Variants in MACROD2 observed in about 807,000 individuals in gnomAD.
MACROD2 encodes the protein ADP-ribose glycohydrolase MACROD2.
A neutral mutation model predicts 70.4 loss-of-function variants in MACROD2; 36 were observed. The observed-to-expected ratio is 0.51, with a 90% CI of 0.39 to 0.68. MACROD2 has a LOEUF of 0.68. Ranked by LOEUF, MACROD2 falls within the 30% of genes least tolerant of loss-of-function variation. The probability of loss-of-function intolerance (pLI) is 0.00; values close to 1 mark genes in which losing one functional copy is unlikely to be tolerated. For synonymous variants in MACROD2, 172 were observed against 178.8 expected (o/e 0.96, Z 0.30); for missense variants, 496 against 538.4 (o/e 0.92, Z 0.78).
chr20:15,013,396 C>G (rs1380981273), intron 5 of MACROD2, among the ~76,000 whole-genome samples: 1 of 152,236 alleles, frequency 6.6e-6, no homozygotes, highest in Middle Eastern at 3.4e-3. Context: ...TGATAAGCAA[C>G]TCAGAACCAC....
intron 4 of MACROD2, among the ~76,000 whole-genome samples, chr20:14,672,410 T>C (rs2070806020): frequency 6.6e-6 from 1 of 152,312 alleles, no homozygotes; most frequent in African/African-American, 2.4e-5. Flanking sequence ...ACAGAGTCAC[T>C]TTTGCCTCAT....
intron 6 of MACROD2, among the ~76,000 whole-genome samples, chr20:15,253,713 A>G (rs2077174970): frequency 6.6e-6 from 1 of 152,268 alleles, no homozygotes; most frequent in South Asian, 2.1e-4. Flanking sequence ...CTCATTCTCT[A>G]CACTTCCTTT....
intron 4 of MACROD2, among the ~76,000 whole-genome samples, chr20:14,667,876 TG>T (rs895381507): frequency 1.3e-5 from 2 of 152,070 alleles, no homozygotes; most frequent in Non-Finnish European, 2.9e-5. Context: ...CTCTCAGAGC[TG>T]GGGGGTGGTG....
intron 5 of MACROD2, among the ~76,000 whole-genome samples, chr20:15,194,541 C>T (rs2076593064): frequency 1.3e-5 from 2 of 152,052 alleles, no homozygotes; most frequent in Admixed American, 1.3e-4. Flanking sequence ...TCTATCTTTA[C>T]CATGTTTTTT....
chr20:14,672,506 A>C (rs140182512), intron 4 of MACROD2, among the ~76,000 whole-genome samples: 4 of 152,310 alleles, frequency 2.6e-5, no homozygotes, highest in African/African-American at 9.6e-5. Flanking sequence ...GGAGCTGCAG[A>C]GTCATATGGC....
intron 5 of MACROD2, among the ~76,000 whole-genome samples, chr20:15,189,589 C>G (rs1313618252): frequency 6.6e-6 from 1 of 152,120 alleles, no homozygotes; most frequent in Non-Finnish European, 1.5e-5. Context: ...CTACTTTAAG[C>G]TAGTGTGTCC....
chr20:14,724,118 A>G (rs1476903024), intron 5 of MACROD2, among the ~76,000 whole-genome samples: 1 of 152,192 alleles, frequency 6.6e-6, no homozygotes, highest in Non-Finnish European at 1.5e-5. Context: ...ACATTCAAAT[A>G]TGCTGAGTGT....
chr20:14,016,626 A>G (rs1341906079), intron 2 of MACROD2, among the ~76,000 whole-genome samples: 1 of 151,960 alleles, frequency 6.6e-6, no homozygotes, highest in Non-Finnish European at 1.5e-5. Flanking sequence ...GTTTTCCAGT[A>G]TTTGCTGTTG....
chr20:14,833,688 C>T (rs2072996927), intron 5 of MACROD2, among the ~76,000 whole-genome samples: 1 of 152,006 alleles, frequency 6.6e-6, no homozygotes, highest in Non-Finnish European at 1.5e-5. Context: ...AAAACGGTCA[C>T]CTCATTAGTA....
rs147425351 is a variant in MACROD2, at chr20:15,946,964, G to A, written c.907+9420G>A. On this transcript the variant is annotated intron_variant, in intron 12 of 17. Transcript: ENST00000684519. ...AATCTGTGTCACAAATAAGTTTAAG[G>A]GAAGGTACTATGCCTGGATGTGCAC... 2.2e-4 allele frequency among the ~76,000 whole-genome samples: 34 copies of A among 152,260 alleles called. 1 individual carries two copies. The East Asian group carries it at 6.6e-3, about 29-fold the overall frequency.
chr20:14,681,888 C>T (rs975117344), intron 4 of MACROD2, among the ~76,000 whole-genome samples: 2 of 152,086 alleles, frequency 1.3e-5, no homozygotes, highest in Non-Finnish European at 2.9e-5. Flanking sequence ...TTTTGAATCA[C>T]GTCGTGAGTA....
At chr20:14,400,931 C>A (rs1423534976) in intron 3 of MACROD2, among the ~76,000 whole-genome samples, 1 of 152,008 alleles carries the variant, frequency 6.6e-6, no homozygotes, top group Non-Finnish European at 1.5e-5. Context: ...GGTAAATGTT[C>A]TTTGGTGTGG....
intron 3 of MACROD2, among the ~76,000 whole-genome samples, chr20:14,194,555 G>C (rs1261626910): frequency 4.6e-5 from 7 of 152,162 alleles, no homozygotes; most frequent in African/African-American, 1.7e-4. Context: ...AGCTCAAATT[G>C]TGGCTAACAG....
At chr20:15,074,888 G>A (rs752071075) in intron 5 of MACROD2, among the ~76,000 whole-genome samples, 3 of 152,112 alleles carry the variant, frequency 2.0e-5, no homozygotes, top group African/African-American at 4.8e-5. Flanking sequence ...CACTGCAAGC[G>A]ATACACACAT....
At chr20:14,771,286 T>G (rs1397644484) in intron 5 of MACROD2, among the ~76,000 whole-genome samples, 1 of 152,008 alleles carries the variant, frequency 6.6e-6, no homozygotes, top group East Asian at 1.9e-4. Context: ...TTTTTTAACC[T>G]CCATAATTAC....
chr20:15,021,988 A>G (rs2075190591), intron 5 of MACROD2, among the ~76,000 whole-genome samples: 2 of 152,122 alleles, frequency 1.3e-5, no homozygotes, highest in Non-Finnish European at 2.9e-5. Context: ...CTGTAAGCCA[A>G]AAACTGCTCA....
intron 3 of MACROD2, among the ~76,000 whole-genome samples, chr20:14,394,679 G>A (rs776246587): frequency 1.6e-4 from 24 of 152,084 alleles, no homozygotes; most frequent in Non-Finnish European, 2.6e-4. Flanking sequence ...CTAATCTCAG[G>A]GGTAAAGCTT....
At chr20:14,065,842 A>G (rs958602564) in intron 2 of MACROD2, among the ~76,000 whole-genome samples, 1 of 152,320 alleles carries the variant, frequency 6.6e-6, no homozygotes, top group Middle Eastern at 3.4e-3. Context: ...GCATAGCTAT[A>G]ACACAAACAG....
At chr20:14,527,977 A>G (rs1047605100) in intron 4 of MACROD2, among the ~76,000 whole-genome samples, 1 of 152,200 alleles carries the variant, frequency 6.6e-6, no homozygotes, top group African/African-American at 2.4e-5. Context: ...ATTTGAGAGA[A>G]ATGGGACTAG....
Sources: allele counts gnomAD v4.1 joint callset (sites outside exome capture counted in the v4.1 genomes callset), GRCh38; gene constraint gnomAD v4.1.1; transcripts MANE v1.5; gene names NCBI Gene and HGNC (gene_info 2026-07-23, HGNC 2026-07-21).